DGKB: variants seen among roughly 807,000 people sequenced by gnomAD.
The protein encoded by DGKB is diacylglycerol kinase beta.
DGKB carries 67 observed loss-of-function variants against 114.3 expected under a neutral mutation model. The ratio of observed to expected loss-of-function variants is 0.59; its 90% confidence interval spans 0.48 to 0.72. The LOEUF (loss-of-function observed/expected upper bound fraction) is 0.72, where lower values mean the gene tolerates loss of function less well. Ranked by LOEUF, DGKB falls within the 30% of genes least tolerant of loss-of-function variation. The pLI, the probability that DGKB is intolerant of heterozygous loss-of-function variation, is 0.00. For synonymous variants in DGKB, 398 were observed against 323.1 expected (o/e 1.23, Z -2.49); for missense variants, 907 against 975.2 (o/e 0.93, Z 0.93).
At chr7:14,509,572 G>A (rs1787658802) in intron 20 of DGKB, among the ~76,000 whole-genome samples, 1 of 152,172 alleles carries the variant, frequency 6.6e-6, no homozygotes, top group Admixed American at 6.5e-5. Context: ...ACATCTTATT[G>A]AATGACTCAC....
At chr7:14,780,160 C>T (rs1335239711) in intron 2 of DGKB, among the ~76,000 whole-genome samples, 1 of 152,098 alleles carries the variant, frequency 6.6e-6, no homozygotes, top group East Asian at 1.9e-4. Context: ...GGGAAATGAG[C>T]GGGACCTAGA....
At chr7:14,725,812 T>C (rs1829942811) in intron 5 of DGKB, among the ~76,000 whole-genome samples, 1 of 152,022 alleles carries the variant, frequency 6.6e-6, no homozygotes. Flanking sequence ...CCTCCCAAAG[T>C]GCTGGGATTA....
At chr7:14,441,296 C>G (rs1040222381) in intron 21 of DGKB, among the ~76,000 whole-genome samples, 7 of 152,008 alleles carry the variant, frequency 4.6e-5, no homozygotes, top group African/African-American at 1.7e-4. Context: ...CATGAGCCAC[C>G]ACGCCCGACC....
chr7:14,647,376 A>C (rs753401461), intron 13 of DGKB, among the ~76,000 whole-genome samples: 1 of 152,194 alleles, frequency 6.6e-6, no homozygotes, highest in Non-Finnish European at 1.5e-5. Context: ...CAGGACAGAG[A>C]GTTTTACTGC....
At chr7:14,805,187 G>T (rs1586631284) in intron 2 of DGKB, among the ~76,000 whole-genome samples, 1 of 152,022 alleles carries the variant, frequency 6.6e-6, no homozygotes, top group African/African-American at 2.4e-5. Flanking sequence ...ATTTCCAGGA[G>T]TGCAGCATAG....
intron 21 of DGKB, among the ~76,000 whole-genome samples, chr7:14,412,490 C>A (rs1006465689): frequency 6.6e-6 from 1 of 151,906 alleles, no homozygotes; most frequent in Non-Finnish European, 1.5e-5. Flanking sequence ...AAAGAGAGCC[C>A]GGGGAAAGGA....
chr7:14,916,660 T>C (rs1301221524), intron 1 of DGKB, among the ~76,000 whole-genome samples: 3 of 151,950 alleles, frequency 2.0e-5, no homozygotes, highest in Admixed American at 6.6e-5. Flanking sequence ...CAAAAAATGA[T>C]AGAAAGAGAA....
At chr7:14,698,931 G>T (rs553238229) in intron 7 of DGKB, among the ~76,000 whole-genome samples, 13 of 151,998 alleles carry the variant, frequency 8.6e-5, no homozygotes, top group Non-Finnish European at 1.9e-4. Flanking sequence ...GTGTTTTACC[G>T]TATGATTTAA....
chr7:14,627,848 C>A (rs1808890319), intron 14 of DGKB, among the ~76,000 whole-genome samples: 2 of 151,608 alleles, frequency 1.3e-5, no homozygotes, highest in Non-Finnish European at 2.9e-5. Context: ...GCGGCTGAAG[C>A]AGGAGAATCG....
chr7:14,767,159 A>C (rs572733305), intron 2 of DGKB, among the ~76,000 whole-genome samples: 2 of 151,746 alleles, frequency 1.3e-5, no homozygotes, highest in South Asian at 2.1e-4. Context: ...GAGAAAAAAA[A>C]CAGCATTCTA....
At chr7:14,699,151 A>G (rs1332179029) in intron 7 of DGKB, among the ~76,000 whole-genome samples, 1 of 152,128 alleles carries the variant, frequency 6.6e-6, no homozygotes, top group Non-Finnish European at 1.5e-5. Flanking sequence ...ATAATTATGA[A>G]TATGTTACTT....
At position 14,456,338 on chromosome 7, in the gene DGKB, C is replaced by G. The variant is rs73280365; in HGVS notation, c.1835+21823G>C. On this transcript the variant is annotated intron_variant, in intron 21 of 25. Coordinates refer to ENST00000402815, the MANE Select transcript of DGKB (RefSeq NM_001350709.2). ...GCTGAACCTGTAGTACTCTTTTAGG[C>G]ACTCAGATGTAGAGTGAAGTTAATT... Among the ~76,000 whole-genome samples, 1,407 of 152,120 alleles carry G rather than the reference C, an allele frequency of 9.2e-3. 23 individuals carry two copies. The highest frequency in any genetic ancestry group is 0.032 in the African/African-American group (1,347 of 41,544).
intron 13 of DGKB, among the ~76,000 whole-genome samples, chr7:14,637,441 T>G (rs1585246506): frequency 6.6e-6 from 1 of 151,796 alleles, no homozygotes; most frequent in African/African-American, 2.4e-5. Flanking sequence ...GTATACTTTT[T>G]ATATGCTCTT....
intron 7 of DGKB, among the ~76,000 whole-genome samples, chr7:14,701,375 A>G (rs950372292): frequency 3.3e-5 from 5 of 152,194 alleles, no homozygotes; most frequent in African/African-American, 1.2e-4. Flanking sequence ...AATGGTTTCA[A>G]CTTAATCTTA....
rs192773191 is a variant in DGKB, at chr7:14,225,590, G to C, written c.2123-47439C>G. Among the ~76,000 whole-genome samples, 280 of 152,080 alleles carry C rather than the reference G, an allele frequency of 1.8e-3. 1 individual carries two copies. Among genetic ancestry groups the C allele is most frequent in the Middle Eastern group, 6.8e-3 (2 of 294 alleles). On this transcript the variant is annotated intron_variant, in intron 23 of 25. Transcript: ENST00000402815. Reference sequence around the variant, plus strand: ...TTTGTCCTTTTTTTATAGCTTGAATGTGGCTAAGGCCACATAAGCAAATAA... The same window carrying C: ...TTTGTCCTTTTTTTATAGCTTGAATCTGGCTAAGGCCACATAAGCAAATAA...
Position 14,217,292 on chromosome 7 carries a change from C to G in DGKB, c.2123-39141G>C, listed in dbSNP as rs558471020. Among the ~76,000 whole-genome samples, 3 of 152,216 alleles carry G rather than the reference C, an allele frequency of 2.0e-5. 1 individual carries two copies. In the South Asian group the frequency reaches 6.2e-4, roughly 32 times the overall value. ...TTTTATAATTGTGAACAATTGTTCA[C>G]TACTTTCCTCTACCTTTATTTGAAT... is the stretch of plus-strand genomic sequence containing the variant. On this transcript the variant is annotated intron_variant, in intron 23 of 25. Coordinates refer to ENST00000402815, the MANE Select transcript of DGKB (RefSeq NM_001350709.2).
chr7:14,862,509 C>A (rs566119695), intron 1 of DGKB, among the ~76,000 whole-genome samples: 1 of 151,938 alleles, frequency 6.6e-6, no homozygotes, highest in African/African-American at 2.4e-5. Context: ...ATATTATTTT[C>A]ATCTTACAGA....
chr7:14,686,966 C>T (rs1343001272), intron 9 of DGKB, among the ~76,000 whole-genome samples: 1 of 152,072 alleles, frequency 6.6e-6, no homozygotes, highest in Non-Finnish European at 1.5e-5. Context: ...AGTTTGCTTA[C>T]TATACTTACA....
At position 14,900,773 on chromosome 7, in the gene DGKB, G is replaced by A. The variant is rs561946163; in HGVS notation, c.-188+1819C>T. ...CAAGAAAGTATGAAGCAAAGGCATT[G>A]CCACCGCTCAACTCCAACTACATAA... is the stretch of plus-strand genomic sequence containing the variant. On this transcript the variant is annotated intron_variant, in intron 1 of 25. Transcript: ENST00000402815. Among the ~76,000 whole-genome samples, 3 of 152,224 alleles carry A rather than the reference G, an allele frequency of 2.0e-5. No homozygotes were observed. In the South Asian group the frequency reaches 6.2e-4, roughly 32 times the overall value.
Sources: gnomAD v4.1 joint callset for allele counts (sites outside exome capture counted in the v4.1 genomes callset) on GRCh38, gnomAD v4.1.1 for gene constraint, MANE v1.5 for transcripts, NCBI Gene and HGNC (gene_info 2026-07-23, HGNC 2026-07-21) for gene names.